SLC35D4: variants seen among roughly 807,000 people sequenced by gnomAD.
SLC35D4 encodes UDP-N-acetylglucosamine transporter SLC35D4.
At chr18:23,413,274 C>G in the SLC35D4 span, among the ~76,000 whole-genome samples, 2 of 152,090 alleles carry the variant, frequency 1.3e-5, no homozygotes, top group East Asian at 3.9e-4. Context: ...TTTTCTGATC[C>G]AAGATTCTCA....
At chr18:23,408,812 CTCTCTT>C in the SLC35D4 span, among the ~76,000 whole-genome samples, 62 of 144,144 alleles carry the variant, frequency 4.3e-4, 1 homozygote, top group Non-Finnish European at 4.4e-4. Context: ...TATATCTTAT[CTCTCTT>C]TTTTTTTTTT....
the SLC35D4 span, chr18:23,253,837 CAACA>C: frequency 6.2e-7 from 1 of 1,614,244 alleles, no homozygotes; most frequent in Admixed American, 1.7e-5. Flanking sequence ...AGGGGAAACT[CAACA>C]AACAGAACCG....
At chr18:23,248,879 T>C in the SLC35D4 span, among the ~76,000 whole-genome samples, 10 of 152,194 alleles carry the variant, frequency 6.6e-5, no homozygotes, top group Admixed American at 1.3e-4. Flanking sequence ...CTAGAATCAT[T>C]GAGGAGGCTG....
chr18:23,309,688 G>A, the SLC35D4 span: 2 of 1,614,000 alleles, frequency 1.2e-6, no homozygotes, highest in Non-Finnish European at 1.7e-6. Flanking sequence ...ACCATCCCGT[G>A]GTTGCACTGG....
At chr18:23,255,577 T>TTTTTA in the SLC35D4 span, among the ~76,000 whole-genome samples, 1 of 144,332 alleles carries the variant, frequency 6.9e-6, no homozygotes, top group African/African-American at 2.6e-5. Context: ...TTTTTTTTTT[T>TTTTTA]GAGACAGGGT....
the SLC35D4 span, among the ~76,000 whole-genome samples, chr18:23,342,436 G>GTA: frequency 4.3e-3 from 647 of 151,590 alleles, 2 homozygotes; most frequent in Non-Finnish European, 6.5e-3. Flanking sequence ...ATTCCAAATT[G>GTA]TATATATATA....
the SLC35D4 span, among the ~76,000 whole-genome samples, chr18:23,320,327 T>C: frequency 6.6e-6 from 1 of 152,260 alleles, no homozygotes; most frequent in Non-Finnish European, 1.5e-5. Context: ...AGATGTATTT[T>C]TCAGTTCTGT....
the SLC35D4 span, among the ~76,000 whole-genome samples, chr18:23,328,109 CA>C: frequency 5.3e-5 from 8 of 152,164 alleles, no homozygotes; most frequent in East Asian, 1.5e-3. Context: ...ACTGAATGGG[CA>C]AAAACTGGAA....
chr18:23,377,528 T>A, the SLC35D4 span: 3 of 934,150 alleles, frequency 3.2e-6, no homozygotes. Flanking sequence ...TATATGAATG[T>A]TTATAATAAA....
chr18:23,339,491 AAT>A, the SLC35D4 span, among the ~76,000 whole-genome samples: 2 of 152,230 alleles, frequency 1.3e-5, no homozygotes, highest in African/African-American at 4.8e-5. Context: ...TACCAGATAC[AAT>A]AGTCAGCACT....
chr18:23,297,895 C>A, the SLC35D4 span: 1 of 1,312,124 alleles, frequency 7.6e-7, no homozygotes, highest in Non-Finnish European at 1.1e-6. Flanking sequence ...ACTGTCCTTG[C>A]ATTCCTCTTT....
At chr18:23,309,548 T>C in the SLC35D4 span, 3 of 735,434 alleles carry the variant, frequency 4.1e-6, no homozygotes, top group South Asian at 1.8e-5. Context: ...TTCGCTAATA[T>C]GAGATTTGCA....
chr18:23,281,952 T>A, the SLC35D4 span, among the ~76,000 whole-genome samples: 91,027 of 152,100 alleles, frequency 0.6, 28,183 homozygotes, highest in African/African-American at 0.75. Context: ...CGGCTGATTG[T>A]AATCACTTTC....
chr18:23,278,868 G>A, the SLC35D4 span, among the ~76,000 whole-genome samples: 1 of 151,990 alleles, frequency 6.6e-6, no homozygotes, highest in African/African-American at 2.4e-5. Context: ...AAAAATATTA[G>A]CCGGGTGTGG....
At chr18:23,378,316 C>A in the SLC35D4 span, among the ~76,000 whole-genome samples, 1 of 151,870 alleles carries the variant, frequency 6.6e-6, no homozygotes, top group African/African-American at 2.4e-5. Context: ...GGATTACAGG[C>A]GTGAGCCACT....
chr18:23,325,973 G>A, the SLC35D4 span, among the ~76,000 whole-genome samples: 1 of 152,220 alleles, frequency 6.6e-6, no homozygotes, highest in South Asian at 2.1e-4. Context: ...TGAAGGCAAG[G>A]AGTATGCATT....
At chr18:23,301,370 G>A in the SLC35D4 span, among the ~76,000 whole-genome samples, 1 of 152,186 alleles carries the variant, frequency 6.6e-6, no homozygotes, top group Non-Finnish European at 1.5e-5. Context: ...AGGCATTTTG[G>A]AGTGTGATGG....
At chr18:23,397,449 TA>T in the SLC35D4 span, among the ~76,000 whole-genome samples, 2 of 152,128 alleles carry the variant, frequency 1.3e-5, no homozygotes, top group Admixed American at 1.3e-4. Flanking sequence ...ATTGTTGCTA[TA>T]GGGGTGGGCT....
At chr18:23,414,862 C>A in the SLC35D4 span, among the ~76,000 whole-genome samples, 1 of 152,102 alleles carries the variant, frequency 6.6e-6, no homozygotes, top group African/African-American at 2.4e-5. Context: ...TGCCTGTAAT[C>A]CCAGCACTTT....
Sources: allele counts gnomAD v4.1 joint callset (sites outside exome capture counted in the v4.1 genomes callset), GRCh38; gene constraint gnomAD v4.1.1; transcripts MANE v1.5; gene names NCBI Gene and HGNC (gene_info 2026-07-23, HGNC 2026-07-21).